The following FOCAD variants were observed in gnomAD, a reference collection of about 807,000 sequenced individuals.
The protein encoded by FOCAD is focadhesin.
In FOCAD, 198 loss-of-function variants were observed where a neutral mutation model predicts 225.6. The observed-to-expected ratio is 0.88, with a 90% confidence interval of 0.78 to 0.99. The LOEUF is 0.99. FOCAD is among the 50% of genes least tolerant of loss of function. The probability of loss-of-function intolerance (pLI) is 0.00; values close to 1 mark genes in which losing one functional copy is unlikely to be tolerated. For synonymous variants in FOCAD, 897 were observed against 755.0 expected (o/e 1.19, Z -3.08); for missense variants, 2,713 against 2,123.6 (o/e 1.28, Z -5.46).
At chr9:20,898,051 T>A (rs1338586946) in intron 21 of FOCAD, among the ~76,000 whole-genome samples, 1 of 151,840 alleles carries the variant, frequency 6.6e-6, no homozygotes, top group Non-Finnish European at 1.5e-5. Context: ...GCACTTTATT[T>A]CACTCTCTTC....
chr9:20,953,970 A>G (rs972839956), intron 35 of FOCAD, among the ~76,000 whole-genome samples: 1 of 152,210 alleles, frequency 6.6e-6, no homozygotes, highest in East Asian at 1.9e-4. Context: ...TACCTTTGGA[A>G]GGGAAGTTAA....
chr9:20,718,218 T>G (rs932142328), intron 3 of FOCAD, among the ~76,000 whole-genome samples: 9 of 152,324 alleles, frequency 5.9e-5, no homozygotes, highest in Non-Finnish European at 1.2e-4. Context: ...ATGAAGAGAA[T>G]GAACAGAGTG....
At chr9:20,789,280 A>G in intron 10 of FOCAD, 71 bp from the exon 11 acceptor site, 2 of 1,509,502 alleles carry the variant, frequency 1.3e-6, no homozygotes, top group Non-Finnish European at 1.8e-6. Context: ...AAATATAAGA[A>G]TGCCAGAAAC....
chr9:20,747,822 GTT>G (rs34772075), intron 5 of FOCAD, among the ~76,000 whole-genome samples: 280 of 136,700 alleles, frequency 2.0e-3, no homozygotes, highest in South Asian at 5.4e-3. Context: ...CATTTTTAGT[GTT>G]TTTTTTTTTT....
In FOCAD at chr9:20,946,707, G is replaced by A; in HGVS notation, c.3562G>A (p.Ala1188Thr). ...TGCTGTATTTTCTTCTCAGGTCCTTGCCTACACACTTAGCTGTGTATGTAC... is the reference window on the plus strand; with the variant it reads ...TGCTGTATTTTCTTCTCAGGTCCTTACCTACACACTTAGCTGTGTATGTAC... ...SQSRTFQEVL[A>T]YTLSCVCTSA... Residue 1188 changes from alanine to threonine, a missense_variant, in exon 30 of 44, where the codon GCC becomes ACC. By Grantham distance (58) the Ala-to-Thr change is moderately conservative. Coordinates refer to ENST00000338382, the MANE Select transcript of FOCAD (RefSeq NM_001375567.1). 3 of 1,611,310 alleles carry A rather than the reference G, an allele frequency of 1.9e-6. No homozygotes were observed. The highest frequency in any genetic ancestry group is 1.7e-6 in the Non-Finnish European group (2 of 1,178,878).
intron 30 of FOCAD, 48 bp downstream of exon 30, chr9:20,946,868 T>C: frequency 6.2e-7 from 1 of 1,603,016 alleles, no homozygotes; most frequent in Non-Finnish European, 8.5e-7. Flanking sequence ...CTCATGCTGC[T>C]GCTAAGTTTT....
chr9:20,924,750 A>G (rs1384152900), intron 25 of FOCAD, among the ~76,000 whole-genome samples: 1 of 152,214 alleles, frequency 6.6e-6, no homozygotes, highest in Non-Finnish European at 1.5e-5. Context: ...CGTGGAATTA[A>G]AGGCAAAGCT....
chr9:20,693,820 C>T (rs1043876828), intron 1 of FOCAD, among the ~76,000 whole-genome samples: 5 of 152,226 alleles, frequency 3.3e-5, no homozygotes, highest in East Asian at 3.8e-4. Flanking sequence ...AAGTGATTCT[C>T]GTGCCTCAGC....
At chr9:20,747,350 A>T (rs1222755525) in intron 5 of FOCAD, among the ~76,000 whole-genome samples, 1 of 152,156 alleles carries the variant, frequency 6.6e-6, no homozygotes, top group Admixed American at 6.6e-5. Flanking sequence ...CATTAGCAGT[A>T]TACTTATACT....
At chr9:20,784,063 T>A (rs776962544) in intron 10 of FOCAD, among the ~76,000 whole-genome samples, 1 of 152,178 alleles carries the variant, frequency 6.6e-6, no homozygotes, top group Non-Finnish European at 1.5e-5. Flanking sequence ...CCCCAGACAA[T>A]GCTGAGAGTC....
chr9:20,687,783 T>G (rs1405570095), intron 1 of FOCAD, among the ~76,000 whole-genome samples: 2 of 152,206 alleles, frequency 1.3e-5, no homozygotes, highest in African/African-American at 4.8e-5. Context: ...GAACTTACAG[T>G]ATTGCATGGA....
At chr9:20,920,908 A>G (rs1008238426) in intron 24 of FOCAD, among the ~76,000 whole-genome samples, 3 of 151,654 alleles carry the variant, frequency 2.0e-5, no homozygotes, top group Admixed American at 6.6e-5. Flanking sequence ...GCACATGTAT[A>G]CATATGTAAC....
chr9:20,963,324 C>T (rs1336598909), intron 35 of FOCAD, among the ~76,000 whole-genome samples: 1 of 152,128 alleles, frequency 6.6e-6, no homozygotes, highest in Non-Finnish European at 1.5e-5. Context: ...AAGTGCAGTA[C>T]TGGTGAAAGT....
intron 1 of FOCAD, among the ~76,000 whole-genome samples, chr9:20,708,748 C>T (rs1374073301): frequency 2.8e-5 from 4 of 141,862 alleles, no homozygotes; most frequent in African/African-American, 8.0e-5. Context: ...TGTACTCCAG[C>T]TTGAGTGACA....
At chr9:20,920,523 T>C (rs1287356352) in intron 24 of FOCAD, among the ~76,000 whole-genome samples, 8 of 126,786 alleles carry the variant, frequency 6.3e-5, no homozygotes, top group African/African-American at 1.8e-4. Context: ...CGTATGTTTA[T>C]TGCGGCACTA....
At chr9:20,949,720 C>T in intron 33 of FOCAD, 45 bp downstream of exon 33, 1 of 1,438,936 alleles carries the variant, frequency 6.9e-7, no homozygotes, top group African/African-American at 1.4e-5. Context: ...ACATATCCCC[C>T]TTTGTTGTCT....
rs1834219526 is a variant in FOCAD at position 20,919,791 on chromosome 9, C to A, written c.2852+2854C>A. 3.3e-5 allele frequency among the ~76,000 whole-genome samples: 5 copies of A among 152,138 alleles called. 1 individual carries two copies. In the South Asian group the frequency reaches 1.0e-3, roughly 32 times the overall value. ...AAGCTGAAACTGGATCCCTTCCTTA[C>A]ACCTTATACGAAAATTAATTCAAGA... On this transcript the variant is annotated intron_variant, in intron 24 of 43. Transcript: ENST00000338382.
chr9:20,874,922 A>T, intron 19 of FOCAD, 115 bp downstream of exon 19: 1 of 1,327,402 alleles, frequency 7.5e-7, no homozygotes, highest in East Asian at 2.3e-5. Flanking sequence ...TTATTTTTTA[A>T]CCAGAATGTT....
chr9:20,850,855 C>T (rs1212770941), intron 15 of FOCAD, among the ~76,000 whole-genome samples: 2 of 147,602 alleles, frequency 1.4e-5, no homozygotes, highest in Admixed American at 6.9e-5. Flanking sequence ...TAGTATGAAA[C>T]TTCTGCAGTT....
Sources: gnomAD v4.1 joint callset for allele counts (sites outside exome capture counted in the v4.1 genomes callset) on GRCh38, gnomAD v4.1.1 for gene constraint, MANE v1.5 for transcripts, NCBI Gene and HGNC (gene_info 2026-07-23, HGNC 2026-07-21) for gene names.